The following DGKG variants were observed in gnomAD, a reference collection of about 807,000 sequenced individuals.
The protein encoded by DGKG is DAG kinase gamma.
Under a neutral mutation model 105.3 loss-of-function variants are expected in DGKG, and 78 were observed. The observed-to-expected ratio is 0.74, with a 90% CI of 0.62 to 0.89. The LOEUF is 0.89. DGKG is among the 40% of genes least tolerant of loss of function. DGKG has a pLI of 0.00. For missense variants in DGKG, 958 were observed against 1,020.1 expected (o/e 0.94, Z 0.83); for synonymous variants, 346 against 367.1 (o/e 0.94, Z 0.66).
At chr3:186,151,660 A>G (rs1370142293) in intron 24 of DGKG, among the ~76,000 whole-genome samples, 2 of 152,214 alleles carry the variant, frequency 1.3e-5, no homozygotes, top group African/African-American at 2.4e-5. Context: ...ATGAGGAAGC[A>G]TGAGAGATGG....
Position 186,272,286 on chromosome 3 carries a change from T to C in DGKG, c.968A>G (p.Lys323Arg), listed in dbSNP as rs1326023186. 1 of 1,613,892 alleles carries C rather than the reference T, an allele frequency of 6.2e-7. No individual in the cohort carries two copies. The highest frequency in any genetic ancestry group is 1.3e-5 in the African/African-American group (1 of 74,920). The change falls in exon 11 of 25, where the codon AAA (lysine) becomes AGA (arginine). Residue 323 changes from lysine to arginine, a missense_variant. Transcript: ENST00000265022. ...ACTCCTTTTGGCTTTTGAGTACGTTTTGACACAACCAGGAATGTTTCTGGA... is the reference window on the plus strand; with the variant it reads ...ACTCCTTTTGGCTTTTGAGTACGTTCTGACACAACCAGGAATGTTTCTGGA... ...CVSRNIPGCV[K>R]TYSKAKRSGE... is the part of the protein sequence containing the mutation.
intron 3 of DGKG, among the ~76,000 whole-genome samples, chr3:186,299,004 G>A (rs1324868444): frequency 6.6e-6 from 1 of 152,222 alleles, no homozygotes; most frequent in African/African-American, 2.4e-5. Flanking sequence ...TCTTCCTGCT[G>A]TGTCTCTCCC....
At chr3:186,199,365 A>C (rs1456935495) in intron 21 of DGKG, among the ~76,000 whole-genome samples, 1 of 152,162 alleles carries the variant, frequency 6.6e-6, no homozygotes, top group Non-Finnish European at 1.5e-5. Context: ...TTAGGAGCTG[A>C]TGTCTATTGT....
chr3:186,249,237 T>C (rs978686477), intron 19 of DGKG, among the ~76,000 whole-genome samples: 2 of 152,126 alleles, frequency 1.3e-5, no homozygotes, highest in Admixed American at 1.3e-4. Flanking sequence ...ATGAATCAGA[T>C]TGGGACATAG....
intron 22 of DGKG, among the ~76,000 whole-genome samples, chr3:186,167,507 T>G (rs1410618568): frequency 6.6e-6 from 1 of 152,172 alleles, no homozygotes; most frequent in Non-Finnish European, 1.5e-5. Flanking sequence ...ACTTCCTCTA[T>G]CACAGAGATA....
chr3:186,161,526 T>C (rs1716290508), intron 24 of DGKG, 77 bp downstream of exon 24: 14 of 1,606,600 alleles, frequency 8.7e-6, no homozygotes, highest in Middle Eastern at 1.7e-4. Flanking sequence ...GATTCAGTGA[T>C]TTCATATTAA....
At chr3:186,261,572 G>A (rs1721776863) in intron 15 of DGKG, 127 bp downstream of exon 15, 5 of 716,704 alleles carry the variant, frequency 7.0e-6, no homozygotes, top group South Asian at 6.1e-5. Flanking sequence ...AGGTCATAAA[G>A]TGGCAGGTGG....
chr3:186,282,728 C>G (rs988666460), intron 7 of DGKG, among the ~76,000 whole-genome samples: 2 of 152,024 alleles, frequency 1.3e-5, no homozygotes, highest in Admixed American at 6.5e-5. Context: ...GTTGGCTAGG[C>G]TGGTCTCAAA....
chr3:186,211,971 C>G, intron 20 of DGKG, 86 bp from the exon 21 acceptor site: 1 of 1,074,114 alleles, frequency 9.3e-7, no homozygotes, highest in South Asian at 1.3e-5. Context: ...TTGGGAGGCC[C>G]AAGCCTTCAG....
At chr3:186,171,160 T>C (rs1020229916) in intron 22 of DGKG, among the ~76,000 whole-genome samples, 1 of 152,216 alleles carries the variant, frequency 6.6e-6, no homozygotes, top group Admixed American at 6.5e-5. Flanking sequence ...TCTGTACATA[T>C]CACTCTCTCA....
In DGKG at chr3:186,210,290, A is replaced by G. The variant is rs1718971728; in HGVS notation, c.1917+1505T>C. On this transcript the variant is annotated intron_variant, in intron 21 of 24. Coordinates refer to ENST00000265022, the MANE Select transcript of DGKG (RefSeq NM_001346.3). This position sits in a 1 kb window ranked among gnomAD's most constrained non-coding sequence, Gnocchi z 5.2. ...GAGACCTCACCAGACGGCTGTGCCA[A>G]GGGGAAAAAATGCACACATATCCCT... 6.6e-6 allele frequency among the ~76,000 whole-genome samples: 1 copy of G among 152,196 alleles called. No individual in the cohort carries two copies. The highest frequency in any genetic ancestry group is 1.5e-5 in the Non-Finnish European group (1 of 68,032).
At chr3:186,190,664 G>T (rs532194842) in intron 21 of DGKG, among the ~76,000 whole-genome samples, 45 of 152,188 alleles carry the variant, frequency 3.0e-4, no homozygotes, top group African/African-American at 1.1e-3. Flanking sequence ...AACCTGTGTA[G>T]ATTTTAAAAA....
chr3:186,357,069 G>A lies in DGKG; in HGVS notation c.-249+4877C>T, dbSNP rs373060940. On this transcript the variant is annotated intron_variant, in intron 1 of 24. Coordinates refer to ENST00000265022, the MANE Select transcript of DGKG (RefSeq NM_001346.3). ...ATCCTCGCCATCTGTTGATGGTGTT[G>A]TGTGGGGAGTTGGAGCAGTTGGGGG... Among the ~76,000 whole-genome samples the A allele has an allele frequency of 4.1e-4, 63 of 152,274 alleles. No individual in the cohort carries two copies. In the East Asian group the frequency reaches 7.9e-3, roughly 19 times the overall value.
chr3:186,319,604 T>C (rs1353315423), intron 2 of DGKG, among the ~76,000 whole-genome samples: 2 of 152,168 alleles, frequency 1.3e-5, no homozygotes, highest in Non-Finnish European at 2.9e-5. Context: ...AAGGGCCTCC[T>C]GGAAAGTCAG....
intron 1 of DGKG, among the ~76,000 whole-genome samples, chr3:186,347,955 C>A (rs946255717): frequency 1.3e-5 from 2 of 152,118 alleles, no homozygotes; most frequent in Admixed American, 1.3e-4. Flanking sequence ...CATGGTATTT[C>A]TAGTTTTATA....
At chr3:186,185,765 C>T (rs754719982) in intron 22 of DGKG, among the ~76,000 whole-genome samples, 7 of 152,120 alleles carry the variant, frequency 4.6e-5, no homozygotes, top group African/African-American at 7.2e-5. Context: ...CAGCTTTATA[C>T]ACTGAAAAGT....
chr3:186,282,070 T>A (rs1722854014), intron 7 of DGKG, among the ~76,000 whole-genome samples: 1 of 152,210 alleles, frequency 6.6e-6, no homozygotes, highest in Admixed American at 6.5e-5. Flanking sequence ...TGATAGCACC[T>A]TCAAATACTC....
intron 3 of DGKG, among the ~76,000 whole-genome samples, chr3:186,301,423 C>T (rs965426025): frequency 6.6e-6 from 1 of 152,158 alleles, no homozygotes; most frequent in Middle Eastern, 3.2e-3. Context: ...GTCAGGAGAT[C>T]GAGACCATCC....
At chr3:186,357,399 A>G (rs926567628) in intron 1 of DGKG, among the ~76,000 whole-genome samples, 1 of 152,210 alleles carries the variant, frequency 6.6e-6, no homozygotes, top group Non-Finnish European at 1.5e-5. Flanking sequence ...TTGAGGCAGT[A>G]AAGCAAAAGG....
Sources: gnomAD v4.1 joint callset for allele counts (sites outside exome capture counted in the v4.1 genomes callset) on GRCh38, gnomAD v4.1.1 for gene constraint, Gnocchi (gnomAD v3.1) non-coding constraint, MANE v1.5 for transcripts, NCBI Gene and HGNC (gene_info 2026-07-23, HGNC 2026-07-21) for gene names.